Variants in CDH12 observed in about 807,000 individuals in gnomAD.
CDH12 encodes the protein cadherin 12.
CDH12 carries 41 observed loss-of-function variants against 74.1 expected under a neutral mutation model. That is an observed-to-expected ratio of 0.55 (90% CI 0.43 to 0.72). The LOEUF (loss-of-function observed/expected upper bound fraction) is 0.72. Among genes scored for constraint, CDH12 ranks in the 30% least tolerant of loss-of-function variants. CDH12 has a pLI of 0.00. For missense variants in CDH12, 945 were observed against 977.2 expected (o/e 0.97, Z 0.44); for synonymous variants, 399 against 355.0 (o/e 1.12, Z -1.39).
At position 22,479,142 on chromosome 5, in the gene CDH12, T is replaced by TTTA. The variant is rs778735129; in HGVS notation, c.-428+26125_-428+26127dup. Among the ~76,000 whole-genome samples, 29 of 152,364 alleles carry TTTA rather than the reference T, an allele frequency of 1.9e-4. 1 individual carries two copies. In the South Asian group the frequency reaches 2.7e-3, roughly 14 times the overall value. On this transcript the variant is annotated intron_variant, in intron 2 of 14. Transcript: ENST00000382254. ...TGCCCTGCTATTACTGAGGAAGGTA[T>TTTA]TTATCATCAACATTTTCTTGTTTCA...
intron 1 of CDH12, among the ~76,000 whole-genome samples, chr5:22,523,374 C>G (rs1316428583): frequency 1.3e-5 from 2 of 152,040 alleles, no homozygotes; most frequent in Admixed American, 1.3e-4. Context: ...ACATCTTTTC[C>G]TGAATACACT....
intron 5 of CDH12, among the ~76,000 whole-genome samples, chr5:22,073,394 T>A (rs2150219502): frequency 6.6e-6 from 1 of 152,250 alleles, no homozygotes; most frequent in Admixed American, 6.6e-5. Context: ...AAAAACTTAG[T>A]ACCACACAGA....
chr5:21,816,687 T>C (rs1748069748), intron 9 of CDH12, among the ~76,000 whole-genome samples: 1 of 118,428 alleles, frequency 8.4e-6, no homozygotes, highest in African/African-American at 3.1e-5. Flanking sequence ...AGATACAAAC[T>C]ATGTGTCAAA....
At chr5:22,618,174 T>A (rs188553113) in intron 1 of CDH12, among the ~76,000 whole-genome samples, 109 of 152,254 alleles carry the variant, frequency 7.2e-4, no homozygotes, top group Admixed American at 1.4e-3. Flanking sequence ...ATAAATTGTT[T>A]TTCATTCAAA....
At chr5:21,799,532 CA>C (rs1231931725) in intron 10 of CDH12, among the ~76,000 whole-genome samples, 1 of 151,730 alleles carries the variant, frequency 6.6e-6, no homozygotes, top group Non-Finnish European at 1.5e-5. Context: ...TCTGCTATTT[CA>C]AAAAAAGCCA....
At chr5:22,635,689 G>A (rs776723007) in intron 1 of CDH12, among the ~76,000 whole-genome samples, 22 of 152,160 alleles carry the variant, frequency 1.4e-4, no homozygotes, top group Non-Finnish European at 2.2e-4. Flanking sequence ...GCTGAGGCAG[G>A]CGGATCACGA....
chr5:22,215,542 C>T (rs1280498382), intron 3 of CDH12, among the ~76,000 whole-genome samples: 5 of 151,966 alleles, frequency 3.3e-5, no homozygotes, highest in African/African-American at 9.7e-5. Context: ...TTTAAAAATC[C>T]CTTCTGCAAT....
chr5:22,102,657 G>A (rs371774696), intron 4 of CDH12, among the ~76,000 whole-genome samples: 22 of 143,592 alleles, frequency 1.5e-4, no homozygotes, highest in African/African-American at 5.0e-4. Flanking sequence ...GTGAGACTCC[G>A]TCTCCAATAA....
At chr5:21,954,641 C>T (rs954545000) in intron 6 of CDH12, among the ~76,000 whole-genome samples, 1 of 152,016 alleles carries the variant, frequency 6.6e-6, no homozygotes, top group African/African-American at 2.4e-5. Flanking sequence ...GAGCATCTGC[C>T]TACTTAATTT....
chr5:22,262,714 T>G (rs1753565419), intron 3 of CDH12, among the ~76,000 whole-genome samples: 1 of 151,764 alleles, frequency 6.6e-6, no homozygotes, highest in African/African-American at 2.4e-5. Context: ...ATGGTTGAAC[T>G]AGTTTACAGT....
intron 3 of CDH12, among the ~76,000 whole-genome samples, chr5:22,222,218 T>C (rs956460427): frequency 3.9e-5 from 6 of 151,972 alleles, no homozygotes; most frequent in East Asian, 1.9e-4. Flanking sequence ...AAAAACTCTT[T>C]GGGGAATTAG....
chr5:22,432,564 T>C (rs976364871), intron 2 of CDH12, among the ~76,000 whole-genome samples: 2 of 150,084 alleles, frequency 1.3e-5, no homozygotes, highest in Admixed American at 6.6e-5. Flanking sequence ...TGTGTGTGCG[T>C]GTGTGTGTGT....
chr5:22,243,198 G>T (rs1248726383), intron 3 of CDH12, among the ~76,000 whole-genome samples: 1 of 152,108 alleles, frequency 6.6e-6, no homozygotes, highest in East Asian at 1.9e-4. Context: ...TAAGTTTAGT[G>T]AATGTCCTAG....
intron 6 of CDH12, among the ~76,000 whole-genome samples, chr5:21,920,572 A>G (rs1754304611): frequency 6.6e-6 from 1 of 151,704 alleles, no homozygotes; most frequent in African/African-American, 2.4e-5. Context: ...TAAATACCTA[A>G]TGTATATGAT....
chr5:22,459,557 T>G (rs1745418470), intron 2 of CDH12, among the ~76,000 whole-genome samples: 2 of 152,228 alleles, frequency 1.3e-5, no homozygotes, highest in Admixed American at 1.3e-4. Flanking sequence ...AAAACTCATG[T>G]GGCTGTGATA....
chr5:22,518,786 T>C (rs568467798), intron 1 of CDH12, among the ~76,000 whole-genome samples: 1 of 152,270 alleles, frequency 6.6e-6, no homozygotes, highest in East Asian at 1.9e-4. Flanking sequence ...AAGGAGTGCC[T>C]TTGGTAAACA....
chr5:22,664,096 T>A (rs1740486339), intron 1 of CDH12, among the ~76,000 whole-genome samples: 1 of 152,186 alleles, frequency 6.6e-6, no homozygotes, highest in South Asian at 2.1e-4. Flanking sequence ...TTTAATGGAT[T>A]ATCAAATGTC....
At chr5:22,617,872 A>G (rs1484262866) in intron 1 of CDH12, among the ~76,000 whole-genome samples, 1 of 152,162 alleles carries the variant, frequency 6.6e-6, no homozygotes, top group Non-Finnish European at 1.5e-5. Context: ...CCCACAGGAA[A>G]TCCATCTTAT....
At chr5:22,270,966 C>T (rs982913688) in intron 3 of CDH12, among the ~76,000 whole-genome samples, 2 of 152,120 alleles carry the variant, frequency 1.3e-5, no homozygotes, top group African/African-American at 4.8e-5. Flanking sequence ...AGCCACCACG[C>T]CCGGCCCTTT....
Sources: allele counts gnomAD v4.1 joint callset (sites outside exome capture counted in the v4.1 genomes callset), GRCh38; gene constraint gnomAD v4.1.1; transcripts MANE v1.5; gene names NCBI Gene and HGNC (gene_info 2026-07-23, HGNC 2026-07-21).